Variants in BTNL2 observed in about 807,000 individuals in gnomAD.
BTNL2 encodes butyrophilin like 2.
Under a neutral mutation model 46.8 loss-of-function variants are expected in BTNL2, and 46 were observed. The ratio of observed to expected loss-of-function variants is 0.98; its 90% confidence interval spans 0.78 to 1.26. The LOEUF is 1.26. Among genes scored for constraint, BTNL2 ranks in the 50% most tolerant of loss-of-function variants. The pLI, the probability that BTNL2 is intolerant of heterozygous loss-of-function variation, is 0.00. For synonymous variants in BTNL2, 226 were observed against 229.1 expected (o/e 0.99, Z 0.12); for missense variants, 461 against 592.6 (o/e 0.78, Z 2.31).
chr6:32,406,380 G>A (rs745946618), intron 1 of BTNL2: 2 of 151,998 alleles, frequency 1.3e-5, no homozygotes, highest in African/African-American at 4.8e-5. Flanking sequence ...CCAGCTCTGC[G>A]GCACCGAGGC....
rs370971450 is a variant in BTNL2, at chr6:32,394,141, G to A, written c.1361-84C>T. 1.7e-5 allele frequency: 25 copies of A among 1,515,122 alleles called. No homozygotes were observed. In the East Asian group the frequency reaches 5.2e-4, roughly 32 times the overall value. 93.9% of individuals were successfully genotyped at this position (1,515,122 alleles called of 1,614,324 possible). On this transcript the variant is annotated intron_variant, in intron 6 of 7. Coordinates refer to ENST00000454136, the MANE Select transcript of BTNL2 (RefSeq NM_001304561.2). This position sits in a 1 kb window ranked among gnomAD's most constrained non-coding sequence, Gnocchi z 4.6. ...TACTTTTCATCTGAGCAGCTTCTAG[G>A]CTGGAGAGAAGGGAGAGAATTTGGC...
rs762192832 is a variant in BTNL2 at position 32,396,404 on chromosome 6, CA to C, written c.731-19del. ...TAAAGAAGCTGTTAAATAGAGTGGA[CA>C]AAACACAATGAAAGAATCAAAATGG... On this transcript the variant is annotated intron_variant, in intron 4 of 7. Transcript: ENST00000454136. The surrounding 1 kb of genome is among the most constrained non-coding windows in gnomAD (Gnocchi z 4.4). 4 of 1,595,478 alleles carry C rather than the reference CA, an allele frequency of 2.5e-6. No individual in the cohort carries two copies. The highest frequency in any genetic ancestry group is 3.4e-6 in the Non-Finnish European group (4 of 1,166,742).
intron 1 of BTNL2, 108 bp from the exon 2 acceptor site, chr6:32,405,394 A>G: frequency 1.0e-6 from 1 of 991,874 alleles, no homozygotes; most frequent in Non-Finnish European, 1.5e-6. Flanking sequence ...AGAGGGAGAG[A>G]TATATGTTTA....
At chr6:32,401,124 C>T (rs1201451390) in intron 4 of BTNL2, among the ~76,000 whole-genome samples, 1 of 138,522 alleles carries the variant, frequency 7.2e-6, no homozygotes, top group African/African-American at 2.7e-5. Flanking sequence ...AGGAGAATGG[C>T]CTGAACCTGG....
intron 1 of BTNL2, 76 bp from the exon 2 acceptor site, chr6:32,405,362 T>G: frequency 7.2e-7 from 1 of 1,384,468 alleles, no homozygotes. Context: ...GTGTCCAGCC[T>G]GTCAAAATGG....
rs774396428 is a variant in BTNL2, at chr6:32,403,129, T to C, written c.515A>G (p.Glu172Gly). The C allele has an allele frequency of 6.8e-6, 11 of 1,612,778 alleles. No homozygotes were observed. Among genetic ancestry groups the C allele is most frequent in the African/African-American group, 1.3e-5 (1 of 74,994 alleles). Reference sequence around the variant, plus strand: ...GATGTCTTCCCAATACACCTGGGGCTCTGGGAACCAGCCCCTTGCAGTGCA... The same window carrying C: ...GATGTCTTCCCAATACACCTGGGGCCCTGGGAACCAGCCCCTTGCAGTGCA... Reference protein sequence around the residue: ...LVCTARGWFPEPQVYWEDIRG... With the variant: ...LVCTARGWFPGPQVYWEDIRG... The change falls in exon 3 of 8, where the codon GAG becomes GGG. Residue 172 changes from glutamate to glycine, a missense_variant. Glu to Gly is a moderately conservative substitution (Grantham distance 98). Transcript: ENST00000454136.
In BTNL2 at chr6:32,396,443, C is replaced by A; in HGVS notation, c.731-57G>T. On this transcript the variant is annotated intron_variant, in intron 4 of 7. Transcript: ENST00000454136. The surrounding 1 kb of genome is among the most constrained non-coding windows in gnomAD (Gnocchi z 4.4). Reference sequence around the variant, plus strand: ...AGAATCAAAATGGAACCAATAATGTCATCTCTAAGAACAGCTCCATTGGAG... The same window carrying A: ...AGAATCAAAATGGAACCAATAATGTAATCTCTAAGAACAGCTCCATTGGAG... 6.8e-7 allele frequency: 1 copy of A among 1,479,972 alleles called. No homozygotes were observed. Among genetic ancestry groups the A allele is most frequent in the South Asian group, 1.2e-5 (1 of 83,936 alleles). 91.7% of individuals were successfully genotyped at this position (1,479,972 alleles called of 1,614,324 possible). A position where few individuals can be genotyped will look rare whatever the true frequency, so the allele number is the denominator to read the frequency against.
intron 1 of BTNL2, 143 bp downstream of exon 1, chr6:32,406,902 G>T: frequency 1.5e-6 from 1 of 682,104 alleles, no homozygotes; most frequent in South Asian, 2.0e-5. Context: ...GAGTGGAGGA[G>T]CTCCTCAAAA....
chr6:32,405,593 T>C, intron 1 of BTNL2: 1 of 405,022 alleles, frequency 2.5e-6, no homozygotes, highest in Non-Finnish European at 4.7e-6. Flanking sequence ...AATTTCTTCA[T>C]CTTCAAGATA....
chr6:32,401,499 T>C (rs1776782414), intron 4 of BTNL2, among the ~76,000 whole-genome samples: 1 of 152,080 alleles, frequency 6.6e-6, no homozygotes, highest in East Asian at 1.9e-4. Context: ...CAGCTCCCTT[T>C]CCCCTCAACA....
intron 4 of BTNL2, among the ~76,000 whole-genome samples, chr6:32,397,112 T>C (rs544761407): frequency 7.1e-6 from 1 of 141,624 alleles, no homozygotes; most frequent in South Asian, 2.3e-4. Context: ...CTAACTTAGG[T>C]TGCAGTTTGT....
At chr6:32,403,307 G>T in intron 2 of BTNL2, 91 bp from the exon 3 acceptor site, 2 of 1,418,914 alleles carry the variant, frequency 1.4e-6, no homozygotes, top group African/African-American at 1.4e-5. Context: ...TCACAGGGAG[G>T]TGGCCGGAGT....
Position 32,394,485 on chromosome 6 carries a change from A to G in BTNL2, c.1360+259T>C, listed in dbSNP as rs72847937. On this transcript the variant is annotated intron_variant, in intron 6 of 7. Coordinates refer to ENST00000454136, the MANE Select transcript of BTNL2 (RefSeq NM_001304561.2). The surrounding 1 kb of genome is among the most constrained non-coding windows in gnomAD (Gnocchi z 4.6). ...AGAGAATTTAAAGAGAGAGAGTGAA[A>G]ACAGGGTCAATTACGAGAATTTAGT... Among the ~76,000 whole-genome samples the G allele has an allele frequency of 0.15, 23,041 of 152,144 alleles. 1,821 individuals carry two copies. The highest frequency in any genetic ancestry group is 0.19 in the South Asian group (895 of 4,828).
intron 3 of BTNL2, among the ~76,000 whole-genome samples, chr6:32,402,277 A>G (rs1776832598): frequency 6.6e-6 from 1 of 152,338 alleles, no homozygotes; most frequent in African/African-American, 2.4e-5. Flanking sequence ...GTATACTTAT[A>G]TCCAAATGTG....
intron 4 of BTNL2, 151 bp downstream of exon 4, chr6:32,401,634 T>C: frequency 1.6e-6 from 1 of 613,630 alleles, no homozygotes; most frequent in South Asian, 3.2e-5. Flanking sequence ...ATTACTTTGC[T>C]GGTCTCCTCT....
intron 3 of BTNL2, among the ~76,000 whole-genome samples, chr6:32,402,568 T>C (rs897659993): frequency 6.6e-6 from 1 of 152,260 alleles, no homozygotes; most frequent in African/African-American, 2.4e-5. Flanking sequence ...ATGCAAATAG[T>C]TGTCTACATC....
At chr6:32,397,629 G>A (rs117904727) in intron 4 of BTNL2, among the ~76,000 whole-genome samples, 2,148 of 151,352 alleles carry the variant, frequency 0.014, 36 homozygotes, top group East Asian at 0.082. Context: ...TTCTTAAACT[G>A]TAAATTTGCT....
intron 2 of BTNL2, chr6:32,403,762 G>A (rs116826930): frequency 0.11 from 16,695 of 154,846 alleles, 1,048 homozygotes; most frequent in East Asian, 0.2. Flanking sequence ...TCCACGAGGC[G>A]TTATTTGTAG....
At chr6:32,406,643 T>C (rs1777170345) in intron 1 of BTNL2, 2 of 153,366 alleles carry the variant, frequency 1.3e-5, no homozygotes, top group Admixed American at 6.5e-5. Context: ...TTTTTTTTAA[T>C]TGCAGCTTAA....
Sources: gnomAD v4.1 joint callset for allele counts (sites outside exome capture counted in the v4.1 genomes callset) on GRCh38, gnomAD v4.1.1 for gene constraint, Gnocchi (gnomAD v3.1) non-coding constraint, MANE v1.5 for transcripts, NCBI Gene and HGNC (gene_info 2026-07-23, HGNC 2026-07-21) for gene names.